HIVEP3: variants seen among roughly 807,000 people sequenced by gnomAD.
HIVEP3 encodes the protein transcription factor HIVEP3.
HIVEP3 carries 49 observed loss-of-function variants against 152.8 expected under a neutral mutation model. That is an observed-to-expected ratio of 0.32 (90% CI 0.26 to 0.41). HIVEP3 has a LOEUF of 0.41. Among genes scored for constraint, HIVEP3 ranks in the 10% least tolerant of loss-of-function variants. The pLI, the probability that HIVEP3 is intolerant of heterozygous loss-of-function variation, is 1.00. For missense variants in HIVEP3, 2,790 were observed against 3,103.3 expected (o/e 0.90, Z 2.40); for synonymous variants, 1,269 against 1,289.0 (o/e 0.98, Z 0.33).
intron 1 of HIVEP3, among the ~76,000 whole-genome samples, chr1:42,023,867 T>G (rs1213336274): frequency 6.6e-6 from 1 of 152,170 alleles, no homozygotes; most frequent in African/African-American, 2.4e-5. Flanking sequence ...TGTAAAGTGA[T>G]AGTCGAATTA....
At chr1:42,002,198 C>T (rs1645432122) in intron 1 of HIVEP3, among the ~76,000 whole-genome samples, 1 of 152,164 alleles carries the variant, frequency 6.6e-6, no homozygotes, top group Admixed American at 6.5e-5. Context: ...GGACATCATA[C>T]CAAGATGGGA....
chr1:41,697,364 A>G (rs1390099570), intron 2 of HIVEP3, among the ~76,000 whole-genome samples: 2 of 152,244 alleles, frequency 1.3e-5, no homozygotes, highest in African/African-American at 4.8e-5. Context: ...CTGCTCCTTG[A>G]AGTCTCAAAC....
chr1:41,793,636 AC>A (rs1649822317), intron 1 of HIVEP3, among the ~76,000 whole-genome samples: 1 of 152,098 alleles, frequency 6.6e-6, no homozygotes, highest in Non-Finnish European at 1.5e-5. Context: ...TAGAAAAAAA[AC>A]ATGTGATGAA....
intron 1 of HIVEP3, among the ~76,000 whole-genome samples, chr1:41,824,784 TAGAGAGAG>T (rs397979993): frequency 8.8e-5 from 1 of 11,394 alleles, no homozygotes; most frequent in Non-Finnish European, 1.6e-4. Context: ...TATATATATA[TAGAGAGAG>T]AGAGAGAGAG....
At chr1:41,716,969 G>C (rs895881473) in intron 1 of HIVEP3, among the ~76,000 whole-genome samples, 2 of 152,238 alleles carry the variant, frequency 1.3e-5, no homozygotes, top group Admixed American at 6.5e-5. Context: ...TGGAAGACGA[G>C]TATGTTTACT....
At chr1:41,993,445 A>G (rs1350084130) in intron 1 of HIVEP3, among the ~76,000 whole-genome samples, 1 of 150,722 alleles carries the variant, frequency 6.6e-6, no homozygotes, top group Non-Finnish European at 1.5e-5. Flanking sequence ...CAAAACCACA[A>G]TGAGATACCA....
At chr1:41,865,270 G>T (rs904644237) in intron 1 of HIVEP3, among the ~76,000 whole-genome samples, 3 of 152,196 alleles carry the variant, frequency 2.0e-5, no homozygotes, top group Non-Finnish European at 2.9e-5. Context: ...AGATGGGACA[G>T]ACAGGAGATC....
chr1:41,625,074 A>T (rs1237214803), intron 3 of HIVEP3, among the ~76,000 whole-genome samples: 1 of 149,012 alleles, frequency 6.7e-6, no homozygotes, highest in Non-Finnish European at 1.5e-5. Context: ...GAGGCAGGAA[A>T]ATAGCTTGAA....
intron 1 of HIVEP3, among the ~76,000 whole-genome samples, chr1:41,834,530 G>A (rs6686022): frequency 0.38 from 57,134 of 152,044 alleles, 11,116 homozygotes; most frequent in African/African-American, 0.47. Context: ...CACTATAGCT[G>A]TAACAGCTCC....
chr1:42,031,837 A>G (rs920212126), intron 1 of HIVEP3, among the ~76,000 whole-genome samples: 1 of 152,228 alleles, frequency 6.6e-6, no homozygotes, highest in Admixed American at 6.5e-5. Context: ...AAGTAACAAG[A>G]GTAAAATTAA....
intron 3 of HIVEP3, among the ~76,000 whole-genome samples, chr1:41,594,631 A>C (rs545455350): frequency 6.6e-6 from 1 of 151,886 alleles, no homozygotes; most frequent in African/African-American, 2.4e-5. Flanking sequence ...GTTTACATAA[A>C]CTCTTTTGAT....
At chr1:41,560,446 T>C (rs895570903) in intron 5 of HIVEP3, among the ~76,000 whole-genome samples, 1 of 152,156 alleles carries the variant, frequency 6.6e-6, no homozygotes. Context: ...AACTGTTTCA[T>C]GCATCTGATT....
chr1:41,793,203 C>T (rs558324437), intron 1 of HIVEP3, among the ~76,000 whole-genome samples: 7 of 152,360 alleles, frequency 4.6e-5, no homozygotes, highest in African/African-American at 1.7e-4. Flanking sequence ...CTTCTTGGAA[C>T]ATCCATGCAG....
At chr1:41,739,383 G>A (rs912675235) in intron 1 of HIVEP3, among the ~76,000 whole-genome samples, 1 of 152,216 alleles carries the variant, frequency 6.6e-6, no homozygotes, top group African/African-American at 2.4e-5. Flanking sequence ...TGCCAGAGAG[G>A]GAGGCCCAGT....
intron 1 of HIVEP3, among the ~76,000 whole-genome samples, chr1:41,741,329 A>G (rs1381776876): frequency 6.6e-6 from 1 of 152,068 alleles, no homozygotes; most frequent in Non-Finnish European, 1.5e-5. Context: ...GGTGTGGAGG[A>G]ACTCATCTGC....
At chr1:41,695,167 A>G (rs1646253833) in intron 2 of HIVEP3, among the ~76,000 whole-genome samples, 1 of 152,122 alleles carries the variant, frequency 6.6e-6, no homozygotes, top group South Asian at 2.1e-4. Context: ...TATTGTTGCT[A>G]TGGGACTGGG....
chr1:41,551,146 G>A (rs1291345295), intron 5 of HIVEP3, among the ~76,000 whole-genome samples: 1 of 152,170 alleles, frequency 6.6e-6, no homozygotes. Context: ...TGTGGTTTTT[G>A]TCGATGGTTC....
intron 2 of HIVEP3, among the ~76,000 whole-genome samples, chr1:41,671,728 C>T (rs531828511): frequency 6.6e-6 from 1 of 152,344 alleles, no homozygotes; most frequent in African/African-American, 2.4e-5. Context: ...AAGAATTCAT[C>T]CCAGGTGAGT....
intron 1 of HIVEP3, among the ~76,000 whole-genome samples, chr1:41,737,556 C>T (rs575199443): frequency 6.6e-6 from 1 of 152,218 alleles, no homozygotes. Context: ...TGTTGTCCCA[C>T]CAGCTGCTAA....
Sources: allele counts gnomAD v4.1 joint callset (sites outside exome capture counted in the v4.1 genomes callset), GRCh38; gene constraint gnomAD v4.1.1; transcripts MANE v1.5; gene names NCBI Gene and HGNC (gene_info 2026-07-23, HGNC 2026-07-21).